TMEM135: variants seen among roughly 807,000 people sequenced by gnomAD.
The protein encoded by TMEM135 is transmembrane protein 135.
A neutral mutation model predicts 60.3 loss-of-function variants in TMEM135; 30 were observed. That is an observed-to-expected ratio of 0.50 (90% CI 0.37 to 0.68). The LOEUF (loss-of-function observed/expected upper bound fraction) is 0.68. Among genes scored for constraint, TMEM135 ranks in the 30% least tolerant of loss-of-function variants. The pLI is 0.00. For missense variants in TMEM135, 468 were observed against 548.8 expected (o/e 0.85, Z 1.47); for synonymous variants, 190 against 186.7 (o/e 1.02, Z -0.14).
At chr11:87,202,105 A>G (rs1219361803) in intron 5 of TMEM135, among the ~76,000 whole-genome samples, 1 of 152,062 alleles carries the variant, frequency 6.6e-6, no homozygotes, top group Non-Finnish European at 1.5e-5. Flanking sequence ...AGCTCATTGC[A>G]ACCTCCACCT....
intron 4 of TMEM135, chr11:87,121,639 C>CTTTTTTTTTTTT (rs542358265): frequency 4.5e-5 from 5 of 110,222 alleles, no homozygotes; most frequent in East Asian, 2.9e-4. Flanking sequence ...TTTGAATGTA[C>CTTTTTTTTTTTT]TTTTTTTTTT....
intron 5 of TMEM135, among the ~76,000 whole-genome samples, chr11:87,235,720 T>C (rs1940980690): frequency 6.6e-6 from 1 of 151,980 alleles, no homozygotes; most frequent in Admixed American, 6.6e-5. Flanking sequence ...ATTCTACAAT[T>C]TTAATTTTTG....
chr11:87,111,668 A>AAAAG (rs1377558916), intron 4 of TMEM135, among the ~76,000 whole-genome samples: 2 of 150,314 alleles, frequency 1.3e-5, no homozygotes, highest in African/African-American at 4.9e-5. Flanking sequence ...AAAAAAAAAA[A>AAAAG]AAAGAAAAAG....
intron 5 of TMEM135, among the ~76,000 whole-genome samples, chr11:87,163,831 G>A (rs1938959956): frequency 7.1e-6 from 1 of 141,284 alleles, no homozygotes; most frequent in South Asian, 2.4e-4. Context: ...CTGCATAAAT[G>A]TCTTCTTTTG....
At chr11:87,223,613 C>T (rs1221475628) in intron 5 of TMEM135, among the ~76,000 whole-genome samples, 1 of 151,950 alleles carries the variant, frequency 6.6e-6, no homozygotes, top group Non-Finnish European at 1.5e-5. Flanking sequence ...GAGTTCCAGA[C>T]CAGCCTCGCC....
chr11:87,092,963 A>T (rs961143666), intron 4 of TMEM135, among the ~76,000 whole-genome samples: 2 of 152,078 alleles, frequency 1.3e-5, no homozygotes, highest in Non-Finnish European at 2.9e-5. Flanking sequence ...CAGCTTTTGT[A>T]GTCCGAGAAT....
At chr11:87,246,151 C>A (rs192228799) in intron 6 of TMEM135, among the ~76,000 whole-genome samples, 6 of 131,816 alleles carry the variant, frequency 4.6e-5, no homozygotes, top group African/African-American at 1.5e-4. Context: ...GTTGAAAATT[C>A]TTTTCTTTAA....
chr11:87,105,685 G>C (rs752934032), intron 4 of TMEM135, among the ~76,000 whole-genome samples: 1 of 152,124 alleles, frequency 6.6e-6, no homozygotes, highest in Non-Finnish European at 1.5e-5. Context: ...TACATGCATA[G>C]ACTATGTAAT....
intron 1 of TMEM135, among the ~76,000 whole-genome samples, chr11:87,053,834 T>G (rs1949865956): frequency 6.6e-6 from 1 of 151,518 alleles, no homozygotes. Context: ...TTAAATTGCC[T>G]TTTAATTACT....
chr11:87,100,630 G>A (rs1373724261), intron 4 of TMEM135, among the ~76,000 whole-genome samples: 1 of 152,198 alleles, frequency 6.6e-6, no homozygotes, highest in Admixed American at 6.5e-5. Context: ...TGGAGGCCAA[G>A]GCAAGTGGAT....
chr11:87,277,485 A>G (rs56362574), intron 6 of TMEM135: 4 of 164,062 alleles, frequency 2.4e-5, no homozygotes, highest in African/African-American at 9.6e-5. Context: ...CATTTGCTGT[A>G]CTCTGAGAAT....
chr11:87,146,662 C>T (rs921018620), intron 4 of TMEM135, among the ~76,000 whole-genome samples: 35 of 152,076 alleles, frequency 2.3e-4, no homozygotes, highest in African/African-American at 8.0e-4. Context: ...GTCAAACATC[C>T]GTTAATCTCA....
At chr11:87,201,734 A>G (rs1259803658) in intron 5 of TMEM135, among the ~76,000 whole-genome samples, 1 of 152,196 alleles carries the variant, frequency 6.6e-6, no homozygotes, top group Non-Finnish European at 1.5e-5. Context: ...GAAAACTGAC[A>G]TGAAAAATTA....
intron 5 of TMEM135, among the ~76,000 whole-genome samples, chr11:87,192,106 C>G (rs145554633): frequency 6.7e-6 from 1 of 149,914 alleles, no homozygotes; most frequent in African/African-American, 2.5e-5. Flanking sequence ...CTCAGCCTCC[C>G]GAGTAGCTGG....
chr11:87,222,279 G>A (rs980098646), intron 5 of TMEM135, among the ~76,000 whole-genome samples: 3 of 144,742 alleles, frequency 2.1e-5, no homozygotes, highest in Non-Finnish European at 3.0e-5. Flanking sequence ...GGCAGATCAC[G>A]AGGTCAGGAG....
rs1362972862 is a variant in TMEM135, at chr11:87,326,210, G to A, written c.*4877G>A. On this transcript the variant is annotated 3_prime_UTR_variant, in exon 15 of 15. Transcript: ENST00000305494. ...GGATAATAGGATGTTCCCTGGTCTT[G>A]GCATAGAGGCCATAGGCATACAACA... 1 of 453,526 alleles carries A rather than the reference G, an allele frequency of 2.2e-6. No individual in the cohort carries two copies. The highest frequency in any genetic ancestry group is 2.4e-5 in the Admixed American group (1 of 42,502). The allele number at this position is 453,526 out of a possible 1,614,324, so 28.1% of individuals were successfully genotyped here.
chr11:87,312,783 T>C lies in TMEM135; in HGVS notation c.937-642T>C, dbSNP rs72959884. ...TATAAAAACAAGTAGCAGGCCAGAT[T>C]TGGCTAGTGAGCCATAGTTTGCTGA... On this transcript the variant is annotated intron_variant, in intron 10 of 14. Transcript: ENST00000305494. Among the ~76,000 whole-genome samples, 465 of 152,094 alleles carry C rather than the reference T, an allele frequency of 3.1e-3. 3 individuals carry two copies. The highest frequency in any genetic ancestry group is 4.1e-3 in the Non-Finnish European group (275 of 67,866).
chr11:87,064,235 T>C (rs1439018240), intron 1 of TMEM135, among the ~76,000 whole-genome samples: 1 of 151,670 alleles, frequency 6.6e-6, no homozygotes, highest in Non-Finnish European at 1.5e-5. Context: ...TAGCCTTTTA[T>C]ATGCCTATTG....
At chr11:87,205,369 G>A (rs955728337) in intron 5 of TMEM135, among the ~76,000 whole-genome samples, 1 of 152,164 alleles carries the variant, frequency 6.6e-6, no homozygotes, top group African/African-American at 2.4e-5. Context: ...GCATGATGTG[G>A]TGAAAACATT....
Sources: gnomAD v4.1 joint callset for allele counts (sites outside exome capture counted in the v4.1 genomes callset) on GRCh38, gnomAD v4.1.1 for gene constraint, MANE v1.5 for transcripts, NCBI Gene and HGNC (gene_info 2026-07-23, HGNC 2026-07-21) for gene names.